Variants in ROBO2 observed in about 807,000 individuals in gnomAD.
ROBO2 encodes roundabout homolog 2.
Under a neutral mutation model 160.8 loss-of-function variants are expected in ROBO2, and 53 were observed. The observed-to-expected ratio is 0.33, with a 90% confidence interval of 0.26 to 0.41. The LOEUF is 0.41. Among genes scored for constraint, ROBO2 ranks in the 10% least tolerant of loss-of-function variants. The probability of loss-of-function intolerance (pLI) is 1.00; values close to 1 mark genes in which losing one functional copy is unlikely to be tolerated. For missense variants in ROBO2, 1,577 were observed against 1,722.4 expected, an observed-to-expected ratio of 0.92 and a Z score of 1.49; for synonymous variants, 664 against 611.7, an observed-to-expected ratio of 1.09 and a Z score of -1.26.
chr3:77,449,747 T>C (rs78752887), intron 2 of ROBO2, among the ~76,000 whole-genome samples: 83 of 152,204 alleles, frequency 5.5e-4, no homozygotes, highest in African/African-American at 1.9e-3. Flanking sequence ...AAATCTGAGT[T>C]TATTTATATA....
At chr3:77,343,798 GC>G (rs2067327198) in intron 2 of ROBO2, among the ~76,000 whole-genome samples, 1 of 152,046 alleles carries the variant, frequency 6.6e-6, no homozygotes, top group Non-Finnish European at 1.5e-5. Context: ...CAAACACCAG[GC>G]AAAAAGAATG....
chr3:76,175,245 C>T (rs2073188354), intron 2 of ROBO2, among the ~76,000 whole-genome samples: 1 of 151,840 alleles, frequency 6.6e-6, no homozygotes, highest in South Asian at 2.1e-4. Context: ...TGTTTATCAG[C>T]CTAAGGGGTT....
chr3:76,318,455 A>C (rs2072232155), intron 2 of ROBO2, among the ~76,000 whole-genome samples: 1 of 152,140 alleles, frequency 6.6e-6, no homozygotes, highest in South Asian at 2.1e-4. Flanking sequence ...AATTACACAC[A>C]TGCATATACA....
intron 2 of ROBO2, among the ~76,000 whole-genome samples, chr3:76,862,224 T>C (rs909502304): frequency 1.3e-5 from 2 of 152,090 alleles, no homozygotes; most frequent in East Asian, 1.9e-4. Context: ...CAGAAAGTAC[T>C]TACATGGTTA....
intron 2 of ROBO2, among the ~76,000 whole-genome samples, chr3:76,097,060 TA>T (rs201631507): frequency 2.0e-5 from 3 of 151,862 alleles, no homozygotes; most frequent in South Asian, 2.1e-4. Flanking sequence ...TATCTATGAT[TA>T]AAAAAAAGTG....
intron 2 of ROBO2, among the ~76,000 whole-genome samples, chr3:77,298,749 G>A (rs1331313433): frequency 1.3e-5 from 2 of 152,216 alleles, no homozygotes; most frequent in African/African-American, 4.8e-5. Context: ...AGACAAATTT[G>A]TTATTCATTC....
intron 2 of ROBO2, among the ~76,000 whole-genome samples, chr3:77,132,929 G>C (rs2075980642): frequency 6.6e-6 from 1 of 152,134 alleles, no homozygotes; most frequent in Non-Finnish European, 1.5e-5. Context: ...TACATCTTAA[G>C]AGAGAGATGA....
intron 2 of ROBO2, among the ~76,000 whole-genome samples, chr3:77,147,428 A>G (rs1002168336): frequency 2.6e-5 from 4 of 152,210 alleles, no homozygotes; most frequent in Non-Finnish European, 4.4e-5. Context: ...TATTGTTACT[A>G]TTAAGACTGA....
At chr3:77,077,026 C>G (rs1250551432) in intron 1 of ROBO2, among the ~76,000 whole-genome samples, 1 of 152,090 alleles carries the variant, frequency 6.6e-6, no homozygotes, top group Non-Finnish European at 1.5e-5. Flanking sequence ...TGAGCTAAGT[C>G]TTAGGCAAAA....
At chr3:76,677,958 C>CATTTTTTTTTT (rs2092453861) in intron 2 of ROBO2, among the ~76,000 whole-genome samples, 1 of 29,396 alleles carries the variant, frequency 3.4e-5, no homozygotes, top group African/African-American at 1.3e-4. Flanking sequence ...AGAAAATATG[C>CATTTTTTTTTT]TTTTTTTTTT....
chr3:76,978,941 TTTTA>T (rs2059948418), intron 2 of ROBO2, among the ~76,000 whole-genome samples: 2 of 149,936 alleles, frequency 1.3e-5, no homozygotes, highest in East Asian at 2.0e-4. Context: ...TTTGTTTGTT[TTTTA>T]AAAAAAAAAA....
intron 2 of ROBO2, among the ~76,000 whole-genome samples, chr3:76,204,400 G>A (rs1299624612): frequency 6.6e-6 from 1 of 151,962 alleles, no homozygotes; most frequent in Non-Finnish European, 1.5e-5. Context: ...TTAACTTACA[G>A]GTTTGAATTA....
At chr3:77,294,859 G>T (rs969709234) in intron 2 of ROBO2, among the ~76,000 whole-genome samples, 1 of 150,240 alleles carries the variant, frequency 6.7e-6, no homozygotes, top group Admixed American at 6.7e-5. Flanking sequence ...GTTGAGGCTA[G>T]AACAGTAAAG....
intron 2 of ROBO2, among the ~76,000 whole-genome samples, chr3:76,190,851 A>G (rs1420625417): frequency 3.3e-5 from 5 of 152,086 alleles, no homozygotes; most frequent in Admixed American, 6.6e-5. Flanking sequence ...TCAAAGAGAG[A>G]CACTATATAT....
chr3:76,883,859 A>G (rs1285114244), intron 2 of ROBO2, among the ~76,000 whole-genome samples: 3 of 152,216 alleles, frequency 2.0e-5, no homozygotes, highest in Non-Finnish European at 4.4e-5. Flanking sequence ...AGAGTCTTCA[A>G]CTTAATTATT....
chr3:77,464,394 A>G (rs2082552004), intron 2 of ROBO2, among the ~76,000 whole-genome samples: 1 of 152,132 alleles, frequency 6.6e-6, no homozygotes, highest in Non-Finnish European at 1.5e-5. Flanking sequence ...ATAGAGAACA[A>G]ACTGTGTTTA....
At chr3:76,214,831 C>T (rs1353555310) in intron 2 of ROBO2, among the ~76,000 whole-genome samples, 2 of 152,226 alleles carry the variant, frequency 1.3e-5, no homozygotes, top group Admixed American at 6.5e-5. Context: ...TCCCAGCACG[C>T]AGCTGGAGAT....
intron 2 of ROBO2, among the ~76,000 whole-genome samples, chr3:76,449,532 T>C (rs1376872208): frequency 6.6e-6 from 1 of 152,166 alleles, no homozygotes; most frequent in Non-Finnish European, 1.5e-5. Flanking sequence ...CCGGACTCGA[T>C]TTAACTGGAG....
At chr3:77,183,180 G>C (rs763878951) in intron 2 of ROBO2, among the ~76,000 whole-genome samples, 7 of 152,012 alleles carry the variant, frequency 4.6e-5, no homozygotes, top group Non-Finnish European at 1.0e-4. Flanking sequence ...AGCCTCCAAA[G>C]CTGAAACGTT....
Sources: allele counts gnomAD v4.1 joint callset (sites outside exome capture counted in the v4.1 genomes callset), GRCh38; gene constraint gnomAD v4.1.1; transcripts MANE v1.5; gene names NCBI Gene and HGNC (gene_info 2026-07-23, HGNC 2026-07-21).